Variants in SASH1 observed in about 807,000 individuals in gnomAD.
The protein encoded by SASH1 is SAM and SH3 domain containing 1, also known as SAM and SH3 domain-containing protein 1.
SASH1 carries 44 observed loss-of-function variants against 125.2 expected under a neutral mutation model. The observed-to-expected ratio is 0.35, with a 90% CI of 0.28 to 0.45. SASH1 has a LOEUF of 0.45. Ranked by LOEUF, SASH1 falls within the 20% of genes least tolerant of loss-of-function variation. SASH1 has a pLI of 1.00. For missense variants in SASH1, 1,426 were observed against 1,614.5 expected (o/e 0.88, Z 2.00); for synonymous variants, 639 against 649.1 (o/e 0.98, Z 0.24).
the SASH1 span, among the ~76,000 whole-genome samples, chr6:148,200,266 C>T: frequency 6.6e-5 from 10 of 152,234 alleles, no homozygotes; most frequent in African/African-American, 2.4e-4. Context: ...CTTTCCTCTC[C>T]TAACCTCATT....
At chr6:148,223,193 G>A in the SASH1 span, among the ~76,000 whole-genome samples, 2,868 of 152,260 alleles carry the variant, frequency 0.019, 76 homozygotes, top group African/African-American at 0.066. Flanking sequence ...GGATTTGAAT[G>A]CCAGTCCTGC....
intron 1 of SASH1, among the ~76,000 whole-genome samples, chr6:148,305,623 C>CAAAAAAAAAAAAAAAAAA (rs59521298): frequency 1.1e-4 from 11 of 104,346 alleles, no homozygotes; most frequent in South Asian, 3.0e-4. Context: ...GACTCTGACT[C>CAAAAAAAAAAAAAAAAAA]AAAAAAAAAA....
At chr6:148,390,716 T>A (rs1042649494) in intron 2 of SASH1, among the ~76,000 whole-genome samples, 14 of 150,830 alleles carry the variant, frequency 9.3e-5, no homozygotes, top group East Asian at 5.9e-4. Flanking sequence ...TGAACCTGGG[T>A]GGCAGAGCTT....
the SASH1 span, among the ~76,000 whole-genome samples, chr6:148,231,768 C>T: frequency 6.6e-6 from 1 of 152,098 alleles, no homozygotes; most frequent in Non-Finnish European, 1.5e-5. Flanking sequence ...CTCACATTTT[C>T]TCACACACTG....
chr6:148,483,183 G>A (rs559093596), intron 7 of SASH1, among the ~76,000 whole-genome samples: 75 of 152,264 alleles, frequency 4.9e-4, no homozygotes, highest in African/African-American at 1.7e-3. Flanking sequence ...AAAACCTCAG[G>A]CTGCTTCCAC....
intron 1 of SASH1, among the ~76,000 whole-genome samples, chr6:148,351,225 C>A: frequency 8.3e-6 from 1 of 121,174 alleles, no homozygotes; most frequent in East Asian, 2.6e-4. Context: ...CTGAAAGGCT[C>A]TTCTATGGCT....
chr6:148,238,010 C>T, the SASH1 span, among the ~76,000 whole-genome samples: 1 of 152,072 alleles, frequency 6.6e-6, no homozygotes, highest in East Asian at 1.9e-4. Context: ...ATCAGGGTGG[C>T]CCTAGCTAGA....
At chr6:148,527,386 G>A in intron 11 of SASH1, 67 bp from the exon 12 acceptor site, 2 of 1,425,410 alleles carry the variant, frequency 1.4e-6, no homozygotes, top group Non-Finnish European at 1.9e-6. Flanking sequence ...GATGTTAATG[G>A]TTTAAATAAT....
chr6:148,292,207 T>C (rs1330001434), intron 1 of SASH1, among the ~76,000 whole-genome samples: 1 of 152,222 alleles, frequency 6.6e-6, no homozygotes, highest in African/African-American at 2.4e-5. Context: ...TTTAGTGTTA[T>C]TTCCTGCCTC....
rs1777725667 is a variant in SASH1 at position 148,463,862 on chromosome 6, C to G, written c.387-4683C>G. On this transcript the variant is annotated intron_variant, in intron 4 of 19. Coordinates refer to ENST00000367467, the MANE Select transcript of SASH1 (RefSeq NM_015278.5). ...TTATTTAGGTTTCTGCTCAGAGAAG[C>G]CTTCTCTGTCCCATCACCTCAACTT... Among the ~76,000 whole-genome samples the G allele has an allele frequency of 2.0e-5, 3 of 152,290 alleles. No homozygotes were observed. The South Asian group carries it at 6.2e-4, about 32-fold the overall frequency.
intron 8 of SASH1, among the ~76,000 whole-genome samples, chr6:148,488,599 G>A (rs1483220700): frequency 2.0e-5 from 3 of 152,132 alleles, no homozygotes; most frequent in Non-Finnish European, 4.4e-5. Flanking sequence ...TAGCTGTATC[G>A]TTTTACCTTC....
intron 8 of SASH1, among the ~76,000 whole-genome samples, chr6:148,507,962 G>T (rs1271388112): frequency 6.6e-6 from 1 of 152,190 alleles, no homozygotes; most frequent in Non-Finnish European, 1.5e-5. Flanking sequence ...GTCCTGTGTT[G>T]TTTAGATGAT....
chr6:148,482,688 A>ATTTTTTTT lies in SASH1; in HGVS notation c.628-4915_628-4908dup, dbSNP rs200708826. Among the ~76,000 whole-genome samples the ATTTTTTTT allele has an allele frequency of 1.9e-4, 19 of 99,920 alleles. 2 individuals carry two copies. Among genetic ancestry groups the ATTTTTTTT allele is most frequent in the African/African-American group, 4.9e-4 (11 of 22,532 alleles). The allele number at this position is 99,920 out of a possible 152,430, so 65.6% of individuals were successfully genotyped here. On this transcript the variant is annotated intron_variant, in intron 7 of 19. Transcript: ENST00000367467. The stretch of plus-strand genomic sequence containing the variant: ...AGGCATGTGCCACCACACCTGGCTA[A>ATTTTTTTT]TTTTTTTTTTTTTTTTTTGAGAGAG...
chr6:148,221,534 C>T, the SASH1 span, among the ~76,000 whole-genome samples: 2 of 152,308 alleles, frequency 1.3e-5, no homozygotes, highest in South Asian at 2.1e-4. Flanking sequence ...CTGATTTTTA[C>T]ACAACATTTC....
At chr6:148,311,838 T>C (rs1430146885) in intron 1 of SASH1, among the ~76,000 whole-genome samples, 2 of 152,066 alleles carry the variant, frequency 1.3e-5, no homozygotes, top group South Asian at 2.1e-4. Flanking sequence ...ATAAAACCTT[T>C]CCTTGAATGT....
Position 148,343,147 on chromosome 6 carries a change from C to T in SASH1, c.80C>T (p.Pro27Leu). 2.5e-6 allele frequency: 4 copies of T among 1,599,040 alleles called. No homozygotes were observed. The highest frequency in any genetic ancestry group is 3.4e-6 in the Non-Finnish European group (4 of 1,178,888). The part of the protein sequence containing the change: ...PEPEPEPAPE[P>L]EPEPKPGAGT... ...CCGGAGCCCGAGCCCGCGCCGGAGC[C>T]GGAACCGGAGCCCAAGCCGGGTGCT... is the stretch of plus-strand genomic sequence containing the variant. Residue 27 changes from proline (P) to leucine (L), a missense_variant, in exon 1 of 20, where the codon CCG becomes CTG. Physicochemically the swap from Pro to Leu is moderately conservative, Grantham distance 98 (BLOSUM62 -3). Around this residue, in one of 3 missense-constraint regions of SASH1, gnomAD observed 567 missense variants for 575.6 expected, o/e 0.99. Transcript: ENST00000367467.
At chr6:148,499,234 A>C (rs1200761417) in intron 8 of SASH1, among the ~76,000 whole-genome samples, 1 of 152,036 alleles carries the variant, frequency 6.6e-6, no homozygotes, top group East Asian at 1.9e-4. Context: ...TTTCTATCAA[A>C]ATATCCTTTT....
chr6:148,233,742 C>CAAAAAAAAAAA, the SASH1 span, among the ~76,000 whole-genome samples: 53 of 60,512 alleles, frequency 8.8e-4, 3 homozygotes, highest in Admixed American at 4.1e-3. Context: ...TTCCTCTCTA[C>CAAAAAAAAAAA]AAAAAAAAAA....
rs532749334 is a variant in SASH1 at position 148,533,513 on chromosome 6, G to C, written c.1735-258G>C. ...CACCAGGGGTACCCCAGGCACCCCT[G>C]GTTCTGCAGGGCAGGAGGGTGGAGG... On this transcript the variant is annotated intron_variant, in intron 14 of 19. Coordinates refer to ENST00000367467, the MANE Select transcript of SASH1 (RefSeq NM_015278.5). This position sits in a 1 kb window ranked among gnomAD's most constrained non-coding sequence, Gnocchi z 6.2. 6.6e-6 allele frequency among the ~76,000 whole-genome samples: 1 copy of C among 152,266 alleles called. No individual in the cohort carries two copies. The highest frequency in any genetic ancestry group is 1.9e-4 in the East Asian group (1 of 5,152).
Sources: gnomAD v4.1 joint callset for allele counts (sites outside exome capture counted in the v4.1 genomes callset) on GRCh38, gnomAD v4.1.1 for gene constraint, gnomAD v4.1.1 regional missense constraint, Gnocchi (gnomAD v3.1) non-coding constraint, MANE v1.5 for transcripts, NCBI Gene and HGNC (gene_info 2026-07-23, HGNC 2026-07-21) for gene names.